The following RNF150 variants were observed in gnomAD, a reference collection of about 807,000 sequenced individuals.
RNF150 encodes the protein ring finger protein 150.
In RNF150, 24 loss-of-function variants were observed where a neutral mutation model predicts 39.3. The ratio of observed to expected loss-of-function variants is 0.61; its 90% CI spans 0.44 to 0.86. The LOEUF is 0.86. Ranked by LOEUF, RNF150 falls within the 40% of genes least tolerant of loss-of-function variation. The probability of loss-of-function intolerance (pLI) is 0.00; values close to 1 mark genes in which losing one functional copy is unlikely to be tolerated. For missense variants in RNF150, 502 were observed against 587.8 expected (o/e 0.85, Z 1.51); for synonymous variants, 255 against 227.3 (o/e 1.12, Z -1.10).
intron 1 of RNF150, among the ~76,000 whole-genome samples, chr4:141,181,562 G>T (rs1049896717): frequency 6.6e-6 from 1 of 152,154 alleles, no homozygotes; most frequent in Admixed American, 6.6e-5. Flanking sequence ...TTGGGCACGA[G>T]AAATCACTCA....
At chr4:141,010,455 C>T (rs1200838093) in intron 1 of RNF150, among the ~76,000 whole-genome samples, 1 of 152,204 alleles carries the variant, frequency 6.6e-6, no homozygotes, top group East Asian at 1.9e-4. Context: ...AGGCCATCCA[C>T]TTTGCAGTCC....
At chr4:141,025,611 G>A (rs537430755) in intron 1 of RNF150, among the ~76,000 whole-genome samples, 1 of 151,856 alleles carries the variant, frequency 6.6e-6, no homozygotes, top group Non-Finnish European at 1.5e-5. Flanking sequence ...ATTTAAAACA[G>A]GTATAATAAT....
upstream of RNF150, among the ~76,000 whole-genome samples, chr4:141,137,924 T>C (rs1457094243): frequency 6.6e-6 from 1 of 152,154 alleles, no homozygotes; most frequent in Non-Finnish European, 1.5e-5. Flanking sequence ...TCCAGAGGGC[T>C]CTTTGGTGTA....
At chr4:140,945,325 C>T (rs1215573812) in intron 4 of RNF150, among the ~76,000 whole-genome samples, 1 of 151,628 alleles carries the variant, frequency 6.6e-6, no homozygotes, top group Non-Finnish European at 1.5e-5. Context: ...CAAAAAATTA[C>T]AATATAAAAG....
At chr4:141,095,317 G>A (rs143003356) in intron 1 of RNF150, among the ~76,000 whole-genome samples, 2,843 of 152,226 alleles carry the variant, frequency 0.019, 42 homozygotes, top group Non-Finnish European at 0.03. Context: ...CCAGAAGACC[G>A]GGGCAGGCAA....
intron 1 of RNF150, among the ~76,000 whole-genome samples, chr4:141,021,379 C>A (rs760521703): frequency 6.6e-6 from 1 of 152,036 alleles, no homozygotes; most frequent in African/African-American, 2.4e-5. Context: ...TTGTACCAAA[C>A]GGAAAAAAAA....
chr4:141,152,277 C>T (rs1181682678), intron 1 of RNF150, among the ~76,000 whole-genome samples: 1 of 152,190 alleles, frequency 6.6e-6, no homozygotes, highest in Non-Finnish European at 1.5e-5. Context: ...GTGGATTGAA[C>T]ACCCACACTG....
chr4:141,122,058 C>A (rs79290828), intron 1 of RNF150, among the ~76,000 whole-genome samples: 1 of 152,074 alleles, frequency 6.6e-6, no homozygotes, highest in African/African-American at 2.4e-5. Context: ...TGATCTCAAC[C>A]AAGTTCCCCT....
intron 1 of RNF150, among the ~76,000 whole-genome samples, chr4:141,181,178 G>A (rs1321787789): frequency 6.6e-6 from 1 of 151,972 alleles, no homozygotes; most frequent in Non-Finnish European, 1.5e-5. Flanking sequence ...TGGTACTTGT[G>A]GTGACTTGTG....
chr4:141,187,961 G>A (rs182106754), intron 1 of RNF150, among the ~76,000 whole-genome samples: 7 of 152,234 alleles, frequency 4.6e-5, no homozygotes, highest in African/African-American at 1.4e-4. Context: ...TTATATTTTG[G>A]TATGTTTTTC....
At chr4:141,150,438 G>C (rs1727277578) in intron 1 of RNF150, among the ~76,000 whole-genome samples, 1 of 152,152 alleles carries the variant, frequency 6.6e-6, no homozygotes, top group Non-Finnish European at 1.5e-5. Flanking sequence ...TCACCCTGTG[G>C]CACCTGGCTT....
chr4:141,183,995 T>C (rs560982815), intron 1 of RNF150, among the ~76,000 whole-genome samples: 1 of 152,230 alleles, frequency 6.6e-6, no homozygotes, highest in Non-Finnish European at 1.5e-5. Context: ...TATAGTAGAA[T>C]GATTTATAAT....
At chr4:140,971,481 G>A (rs1733463362) in intron 1 of RNF150, among the ~76,000 whole-genome samples, 1 of 152,032 alleles carries the variant, frequency 6.6e-6, no homozygotes, top group South Asian at 2.1e-4. Flanking sequence ...GCCTCTTTTT[G>A]CAAAATTATA....
chr4:140,904,026 C>T (rs192785195), intron 6 of RNF150, among the ~76,000 whole-genome samples: 6 of 152,162 alleles, frequency 3.9e-5, no homozygotes, highest in Non-Finnish European at 4.4e-5. Context: ...AATGTTATTG[C>T]GGAAAACCCT....
At chr4:141,184,240 G>T (rs1727962757) in intron 1 of RNF150, among the ~76,000 whole-genome samples, 1 of 152,134 alleles carries the variant, frequency 6.6e-6, no homozygotes, top group African/African-American at 2.4e-5. Flanking sequence ...GTTTTGATTT[G>T]CATTTCTCTA....
chr4:140,928,544 T>C (rs1731486134), intron 4 of RNF150, among the ~76,000 whole-genome samples: 1 of 152,170 alleles, frequency 6.6e-6, no homozygotes, highest in Non-Finnish European at 1.5e-5. Flanking sequence ...GCTCTGTATC[T>C]TTATTTCTTT....
chr4:141,102,684 G>A (rs1739055147), intron 1 of RNF150, among the ~76,000 whole-genome samples: 1 of 152,146 alleles, frequency 6.6e-6, no homozygotes, highest in South Asian at 2.1e-4. Flanking sequence ...TCGGAGGCCT[G>A]CTGATAATTC....
chr4:141,176,304 C>G (rs1727811509), intron 1 of RNF150, among the ~76,000 whole-genome samples: 1 of 152,126 alleles, frequency 6.6e-6, no homozygotes, highest in Admixed American at 6.6e-5. Context: ...ACTACTATCA[C>G]CTTGAGGGAT....
chr4:141,066,207 T>C (rs139285946), intron 1 of RNF150, among the ~76,000 whole-genome samples: 7 of 150,622 alleles, frequency 4.6e-5, no homozygotes, highest in South Asian at 2.1e-4. Flanking sequence ...CAGGGTGCAA[T>C]TGTTAAAAGC....
Sources: gnomAD v4.1 joint callset for allele counts (sites outside exome capture counted in the v4.1 genomes callset) on GRCh38, gnomAD v4.1.1 for gene constraint, MANE v1.5 for transcripts, NCBI Gene and HGNC (gene_info 2026-07-23, HGNC 2026-07-21) for gene names.